The following SDK1 variants were observed in gnomAD, a reference collection of about 807,000 sequenced individuals.
The protein encoded by SDK1 is protein sidekick-1.
In SDK1, 157 loss-of-function variants were observed where a neutral mutation model predicts 245.5. The observed-to-expected ratio is 0.64, with a 90% confidence interval of 0.56 to 0.73. The LOEUF (loss-of-function observed/expected upper bound fraction) is 0.73, where lower values mean the gene tolerates loss of function less well. Among genes scored for constraint, SDK1 ranks in the 30% least tolerant of loss-of-function variants. SDK1 has a pLI of 0.00. For synonymous variants in SDK1, 1,647 were observed against 1,278.5 expected (o/e 1.29, Z -6.15); for missense variants, 3,583 against 3,002.3 (o/e 1.19, Z -4.52).
chr7:3,699,781 G>A (rs1784688246), intron 4 of SDK1, among the ~76,000 whole-genome samples: 1 of 152,154 alleles, frequency 6.6e-6, no homozygotes, highest in African/African-American at 2.4e-5. Context: ...CAAATTCGTT[G>A]AAGAATTGTT....
At chr7:3,478,457 A>G (rs1781412316) in intron 1 of SDK1, among the ~76,000 whole-genome samples, 1 of 152,086 alleles carries the variant, frequency 6.6e-6, no homozygotes. Flanking sequence ...TTATTAGAAA[A>G]ATAACCTAGG....
chr7:4,060,123 C>T (rs375116326), intron 19 of SDK1, among the ~76,000 whole-genome samples: 48 of 152,188 alleles, frequency 3.2e-4, no homozygotes, highest in African/African-American at 6.5e-4. Flanking sequence ...CCTCGTGATC[C>T]GCCCGCCTCG....
At chr7:3,831,746 C>T (rs958630359) in intron 5 of SDK1, among the ~76,000 whole-genome samples, 2 of 151,728 alleles carry the variant, frequency 1.3e-5, no homozygotes, top group African/African-American at 2.4e-5. Flanking sequence ...ATGTAAATAT[C>T]GTATCTCATT....
chr7:3,876,109 G>T (rs1417835679), intron 5 of SDK1, among the ~76,000 whole-genome samples: 1 of 152,152 alleles, frequency 6.6e-6, no homozygotes, highest in Non-Finnish European at 1.5e-5. Flanking sequence ...TGTGAGTCAG[G>T]CACTAGTCTG....
intron 28 of SDK1, among the ~76,000 whole-genome samples, chr7:4,144,121 G>A (rs1403716969): frequency 2.0e-5 from 3 of 151,234 alleles, no homozygotes; most frequent in African/African-American, 4.9e-5. Context: ...ACACAGGGGT[G>A]TGGGGGAAGG....
chr7:3,764,433 C>A (rs1206500987), intron 4 of SDK1, among the ~76,000 whole-genome samples: 2 of 152,176 alleles, frequency 1.3e-5, no homozygotes, highest in Non-Finnish European at 2.9e-5. Context: ...TGCCTGTAAT[C>A]CCAACACTTT....
At chr7:3,970,614 C>G (rs143123542) in intron 11 of SDK1, among the ~76,000 whole-genome samples, 1 of 152,288 alleles carries the variant, frequency 6.6e-6, no homozygotes, top group Non-Finnish European at 1.5e-5. Context: ...AGATCATTCG[C>G]CAGAAAATTT....
At chr7:4,098,927 C>G (rs958526383) in intron 22 of SDK1, among the ~76,000 whole-genome samples, 2 of 150,864 alleles carry the variant, frequency 1.3e-5, no homozygotes, top group Non-Finnish European at 2.9e-5. Flanking sequence ...CCTGCCCCAG[C>G]CTCCCAAAGT....
chr7:3,747,937 T>G (rs899312044), intron 4 of SDK1, among the ~76,000 whole-genome samples: 4 of 152,094 alleles, frequency 2.6e-5, no homozygotes, highest in African/African-American at 9.7e-5. Context: ...AATCTAAGAT[T>G]TTAGCCAGGA....
intron 35 of SDK1, among the ~76,000 whole-genome samples, chr7:4,197,489 GA>G (rs112956360): frequency 2.0e-5 from 3 of 151,334 alleles, no homozygotes; most frequent in Admixed American, 6.6e-5. Flanking sequence ...CCCCATCTCA[GA>G]AAAAAAAAGT....
intron 4 of SDK1, among the ~76,000 whole-genome samples, chr7:3,799,174 T>A (rs906071341): frequency 1.2e-4 from 19 of 152,214 alleles, no homozygotes; most frequent in Admixed American, 3.9e-4. Flanking sequence ...TTTTTGTTTC[T>A]TCTTATAAAC....
chr7:3,957,548 G>GT (rs1437586619), intron 7 of SDK1, among the ~76,000 whole-genome samples: 2 of 152,222 alleles, frequency 1.3e-5, no homozygotes, highest in South Asian at 2.1e-4. Context: ...TCGAATGTAT[G>GT]TTTTTTTCCT....
Position 4,082,715 on chromosome 7 carries a change from G to A in SDK1, c.3324+3131G>A, listed in dbSNP as rs145181605. Among the ~76,000 whole-genome samples, 689 of 151,942 alleles carry A rather than the reference G, an allele frequency of 4.5e-3. 6 individuals are homozygous for A. The highest frequency in any genetic ancestry group is 0.016 in the African/African-American group (655 of 41,432). ...GGCTCACTACAACCTCTGCCTCCTG[G>A]GCTCAAGCAATCCTCTCATCTCAGC... On this transcript the variant is annotated intron_variant, in intron 22 of 44. Coordinates refer to ENST00000404826, the MANE Select transcript of SDK1 (RefSeq NM_152744.4).
chr7:3,471,390 T>C (rs985839570), intron 1 of SDK1, among the ~76,000 whole-genome samples: 5 of 152,158 alleles, frequency 3.3e-5, no homozygotes, highest in Non-Finnish European at 1.5e-5. Context: ...TTAGAACTTA[T>C]TTCTTTCTGC....
At chr7:3,521,953 G>A (rs1176025058) in intron 1 of SDK1, among the ~76,000 whole-genome samples, 1 of 151,310 alleles carries the variant, frequency 6.6e-6, no homozygotes, top group Non-Finnish European at 1.5e-5. Flanking sequence ...CTGCAGGACA[G>A]AGAGAAGGTG....
chr7:4,150,478 C>T lies in SDK1; in HGVS notation c.4625+1015C>T, dbSNP rs571819281. Among the ~76,000 whole-genome samples the T allele has an allele frequency of 2.6e-5, 4 of 152,314 alleles. No homozygotes were observed. In the South Asian group the frequency reaches 8.3e-4, roughly 32 times the overall value. ...TGGTCACATAGGTCAGCTCTGCGTC[C>T]CTGCAGTCACCCAGTAAGGGGAGAC... On this transcript the variant is annotated intron_variant, in intron 30 of 44. Coordinates refer to ENST00000404826, the MANE Select transcript of SDK1 (RefSeq NM_152744.4).
intron 4 of SDK1, among the ~76,000 whole-genome samples, chr7:3,778,003 A>C (rs886771492): frequency 5.9e-5 from 9 of 152,284 alleles, no homozygotes; most frequent in African/African-American, 2.2e-4. Context: ...ATTTTCTAAC[A>C]TGATTTTGTT....
At chr7:3,401,430 G>T (rs1004138792) in intron 1 of SDK1, among the ~76,000 whole-genome samples, 4 of 152,158 alleles carry the variant, frequency 2.6e-5, no homozygotes, top group Admixed American at 6.5e-5. Context: ...TTTATTCAAA[G>T]ACTTTTTGAG....
intron 1 of SDK1, among the ~76,000 whole-genome samples, chr7:3,443,379 A>T (rs1038071508): frequency 3.9e-5 from 6 of 152,222 alleles, no homozygotes; most frequent in African/African-American, 9.6e-5. Flanking sequence ...ATATATTAAA[A>T]TTTGGAATAG....
Sources: gnomAD v4.1 joint callset for allele counts (sites outside exome capture counted in the v4.1 genomes callset) on GRCh38, gnomAD v4.1.1 for gene constraint, MANE v1.5 for transcripts, NCBI Gene and HGNC (gene_info 2026-07-23, HGNC 2026-07-21) for gene names.